Variants in TTLL6 observed in about 807,000 individuals in gnomAD.
TTLL6 encodes tubulin tyrosine ligase like 6.
A neutral mutation model predicts 96.4 loss-of-function variants in TTLL6; 75 were observed. The observed-to-expected ratio is 0.78, with a 90% CI of 0.65 to 0.94. The LOEUF is 0.94. Among genes scored for constraint, TTLL6 ranks in the 40% least tolerant of loss-of-function variants. The pLI is 0.00. For synonymous variants in TTLL6, 411 were observed against 419.4 expected, an observed-to-expected ratio of 0.98 and a Z score of 0.24; for missense variants, 1,030 against 1,093.0, an observed-to-expected ratio of 0.94 and a Z score of 0.81.
At chr17:48,787,081 G>A (rs1276575436) in intron 11 of TTLL6, among the ~76,000 whole-genome samples, 30 of 151,906 alleles carry the variant, frequency 2.0e-4, no homozygotes, top group Admixed American at 1.4e-3. Context: ...CACCTGCCTC[G>A]GCCTCCCAAA....
At chr17:48,770,141 G>A (rs1365976864) in intron 13 of TTLL6, 44 bp from the exon 14 acceptor site, 7 of 1,540,634 alleles carry the variant, frequency 4.5e-6, no homozygotes, top group African/African-American at 2.8e-5. Context: ...GAAAGCAAAG[G>A]GTTCCTTCCT....
At chr17:48,804,184 G>T in intron 2 of TTLL6, 1 of 579,628 alleles carries the variant, frequency 1.7e-6, no homozygotes, top group Non-Finnish European at 3.1e-6. Flanking sequence ...GATCTTGCTT[G>T]CAGCTTCTCA....
chr17:48,791,310 G>A (rs1737299800), intron 9 of TTLL6, 68 bp downstream of exon 9: 21 of 1,393,474 alleles, frequency 1.5e-5, no homozygotes, highest in Admixed American at 7.4e-5. Context: ...CCAGGAGGGC[G>A]GAATCCTTGA....
rs568283921 is a variant in TTLL6 at position 48,777,740 on chromosome 17, A to T, written c.2040+7183T>A. Among the ~76,000 whole-genome samples, 332 of 151,310 alleles carry T rather than the reference A, an allele frequency of 2.2e-3. 3 individuals carry two copies. Among genetic ancestry groups the T allele is most frequent in the African/African-American group, 7.7e-3 (318 of 41,288 alleles). Reference sequence around the variant, plus strand: ...AGTGAGACTCCGTCTCAAAAAAAAAAAAATATACAAAAATACAAAAATTAG... The same window carrying T: ...AGTGAGACTCCGTCTCAAAAAAAAATAAATATACAAAAATACAAAAATTAG... On this transcript the variant is annotated intron_variant, in intron 13 of 15. Transcript: ENST00000393382.
Position 48,814,115 on chromosome 17 carries a change from T to TG in TTLL6, c.103+2854dup, listed in dbSNP as rs2039631107. 3.3e-5 allele frequency among the ~76,000 whole-genome samples: 5 copies of TG among 152,180 alleles called. No individual in the cohort carries two copies. The South Asian group carries it at 1.0e-3, about 32-fold the overall frequency. On this transcript the variant is annotated intron_variant, in intron 1 of 15. Transcript: ENST00000393382. ...AGGTGGGTTACTTGAGGTCAGGAGT[T>TG]GGAGACCAAGTTGGCAAACATGGTG...
chr17:48,783,535 A>G (rs2039030757), intron 13 of TTLL6, among the ~76,000 whole-genome samples: 1 of 151,918 alleles, frequency 6.6e-6, no homozygotes. Context: ...GGGTTCAAGC[A>G]ATTCTGTTGT....
chr17:48,812,064 A>ACCGCCCCCCC (rs2039602289), intron 1 of TTLL6: 1 of 76,140 alleles, frequency 1.3e-5, no homozygotes, highest in African/African-American at 5.5e-5. Context: ...TGATGCTGGG[A>ACCGCCCCCCC]CCCCCCCCCC....
At chr17:48,802,858 G>C (rs940201199) in intron 3 of TTLL6, among the ~76,000 whole-genome samples, 1 of 147,590 alleles carries the variant, frequency 6.8e-6, no homozygotes, top group Non-Finnish European at 1.5e-5. Context: ...GCGACAGAGC[G>C]AGGCTCCATC....
At chr17:48,794,338 A>G in intron 8 of TTLL6, 1 of 1,590,612 alleles carries the variant, frequency 6.3e-7, no homozygotes, top group Non-Finnish European at 8.5e-7. Context: ...GAAAAATGAC[A>G]GTAACCACGC....
Position 48,762,757 on chromosome 17 carries a change from A to G in TTLL6, c.*217T>C. On this transcript the variant is annotated 3_prime_UTR_variant, in exon 16 of 16. Transcript: ENST00000393382. ...CAGCACCAATCCAACCCCAGAAATC[A>G]TGGTCCTGTAGCACTGTAAGCTAAC... 1 of 340,050 alleles carries G rather than the reference A, an allele frequency of 2.9e-6. No homozygotes were observed. Among genetic ancestry groups the G allele is most frequent in the Non-Finnish European group, 5.7e-6 (1 of 174,250 alleles). 21.1% of individuals were successfully genotyped at this position (340,050 alleles called of 1,614,324 possible).
intron 13 of TTLL6, among the ~76,000 whole-genome samples, chr17:48,776,509 T>C (rs539940064): frequency 2.0e-5 from 3 of 152,308 alleles, no homozygotes; most frequent in Non-Finnish European, 4.4e-5. Context: ...CATTAATCAT[T>C]ATTTCTATAT....
At position 48,799,670 on chromosome 17, in the gene TTLL6, G is replaced by A. The variant is rs1313707181; in HGVS notation, c.702C>T (p.Phe234=). 2 of 1,551,748 alleles carry A rather than the reference G, an allele frequency of 1.3e-6. No homozygotes were observed. The highest frequency in any genetic ancestry group is 2.7e-5 in the African/African-American group (2 of 73,056). ...PDSGCQGKGI[F]ITRTVKEIKP... is the part of the protein sequence containing the mutation. ...TGATTTCTTTCACTGTCCGGGTGAT[G>A]AATATACCTTTCCCTTGGCAGCCCG... The change falls in exon 6 of 16, where the codon TTC becomes TTT. Residue 234 remains phenylalanine (F), a synonymous_variant. Transcript: ENST00000393382.
chr17:48,781,973 A>C (rs976029732), intron 13 of TTLL6, among the ~76,000 whole-genome samples: 2 of 152,242 alleles, frequency 1.3e-5, no homozygotes, highest in South Asian at 2.1e-4. Flanking sequence ...CTCAGCCTCC[A>C]GAACTGTAAG....
intron 11 of TTLL6, 39 bp from the exon 12 acceptor site, chr17:48,786,374 A>G: frequency 6.2e-7 from 1 of 1,613,200 alleles, no homozygotes; most frequent in Non-Finnish European, 8.5e-7. Context: ...GGGGGTTAGA[A>G]ATGCGCTGCG....
chr17:48,777,050 C>CACACACA (rs1416560696), intron 13 of TTLL6, among the ~76,000 whole-genome samples: 1 of 93,782 alleles, frequency 1.1e-5, no homozygotes, highest in African/African-American at 4.0e-5. Flanking sequence ...ACACACACAC[C>CACACACA]CCTAAAAAAT....
In TTLL6 at chr17:48,769,221, C is replaced by T. The variant is rs768913420; in HGVS notation, c.2444G>A (p.Arg815His). 15 of 1,610,084 alleles carry T rather than the reference C, an allele frequency of 9.3e-6. No homozygotes were observed. In the African/African-American group the frequency reaches 9.4e-5, roughly 10 times the overall value. ...CCTCTTCTCGCCAGAGCTGTCACTG[C>T]GGGAGTGGCACTCCCCAGGCAGGGA... ...NPSLPGECHS[R>H]SDSSGEKRQL... is the part of the protein sequence containing the mutation. The change falls in exon 15 of 16, where the codon CGC becomes CAC. Residue 815 changes from arginine to histidine, a missense_variant. By Grantham distance (29) the Arg-to-His change is conservative (BLOSUM62 0). Transcript: ENST00000393382.
chr17:48,776,425 C>T (rs1310506079), intron 13 of TTLL6, among the ~76,000 whole-genome samples: 1 of 152,188 alleles, frequency 6.6e-6, no homozygotes, highest in Non-Finnish European at 1.5e-5. Flanking sequence ...CGTGCCACTG[C>T]ACTCCAGCCT....
At chr17:48,784,375 AG>A (rs1297197091) in intron 13 of TTLL6, among the ~76,000 whole-genome samples, 1 of 152,130 alleles carries the variant, frequency 6.6e-6, no homozygotes, top group South Asian at 2.1e-4. Flanking sequence ...ACTGCACCCC[AG>A]CCTAGGTAAC....
At chr17:48,805,045 C>T in intron 1 of TTLL6, 54 bp from the exon 2 acceptor site, 1 of 1,406,180 alleles carries the variant, frequency 7.1e-7, no homozygotes, top group Non-Finnish European at 9.8e-7. Flanking sequence ...GCAGGGGGAC[C>T]CCCTCCCTCG....
Sources: gnomAD v4.1 joint callset for allele counts (sites outside exome capture counted in the v4.1 genomes callset) on GRCh38, gnomAD v4.1.1 for gene constraint, MANE v1.5 for transcripts, NCBI Gene and HGNC (gene_info 2026-07-23, HGNC 2026-07-21) for gene names.